Variants in RSRC1 observed in about 807,000 individuals in gnomAD.
The protein encoded by RSRC1 is serine/Arginine-related protein 53.
In RSRC1, 39 loss-of-function variants were observed where a neutral mutation model predicts 49.1. That is an observed-to-expected ratio of 0.79 (90% CI 0.61 to 1.04). The LOEUF (loss-of-function observed/expected upper bound fraction) is 1.04, where lower values mean the gene tolerates loss of function less well. Ranked by LOEUF, RSRC1 falls within the 50% of genes least tolerant of loss-of-function variation. RSRC1 has a pLI of 0.00. For synonymous variants in RSRC1, 143 were observed against 130.8 expected (o/e 1.09, Z -0.63); for missense variants, 388 against 402.4 (o/e 0.96, Z 0.31).
chr3:158,180,292 T>C (rs1719500330), intron 3 of RSRC1, among the ~76,000 whole-genome samples: 1 of 151,884 alleles, frequency 6.6e-6, no homozygotes, highest in Non-Finnish European at 1.5e-5. Flanking sequence ...GTTTCTCATA[T>C]GTTTTCTTTC....
chr3:158,522,363 G>A (rs908779337), intron 7 of RSRC1, among the ~76,000 whole-genome samples: 5 of 151,984 alleles, frequency 3.3e-5, no homozygotes, highest in African/African-American at 1.2e-4. Context: ...CTAGAATGCA[G>A]TGGCACAATC....
At chr3:158,437,835 A>C (rs529996353) in intron 6 of RSRC1, among the ~76,000 whole-genome samples, 1 of 152,292 alleles carries the variant, frequency 6.6e-6, no homozygotes, top group Non-Finnish European at 1.5e-5. Context: ...AGGCAAAAGA[A>C]AGAAATAAAG....
chr3:158,375,839 TGTTTA>T (rs553860759), intron 6 of RSRC1, among the ~76,000 whole-genome samples: 108 of 152,368 alleles, frequency 7.1e-4, no homozygotes, highest in African/African-American at 2.6e-3. Context: ...ACAATTAGAA[TGTTTA>T]GTTCATTCAA....
intron 3 of RSRC1, among the ~76,000 whole-genome samples, chr3:158,177,095 C>T (rs1310937770): frequency 6.6e-6 from 1 of 152,152 alleles, no homozygotes; most frequent in Non-Finnish European, 1.5e-5. Flanking sequence ...CAATGAGATG[C>T]CATCTCACAC....
chr3:158,437,604 AT>A (rs1736122626), intron 6 of RSRC1, among the ~76,000 whole-genome samples: 1 of 152,180 alleles, frequency 6.6e-6, no homozygotes, highest in Non-Finnish European at 1.5e-5. Flanking sequence ...CTTCAATAAA[AT>A]TCAACAGCTC....
intron 6 of RSRC1, among the ~76,000 whole-genome samples, chr3:158,443,558 A>G (rs1399551323): frequency 6.6e-6 from 1 of 152,202 alleles, no homozygotes; most frequent in Non-Finnish European, 1.5e-5. Context: ...GCTTTTGGCT[A>G]AGCTTAATGG....
chr3:158,283,917 T>A (rs1236705660), intron 4 of RSRC1, among the ~76,000 whole-genome samples: 1 of 151,878 alleles, frequency 6.6e-6, no homozygotes, highest in African/African-American at 2.4e-5. Context: ...ATACTCTAAG[T>A]TCTAGGGTAC....
intron 5 of RSRC1, among the ~76,000 whole-genome samples, chr3:158,343,875 A>G (rs1236962639): frequency 6.6e-6 from 1 of 152,176 alleles, no homozygotes; most frequent in East Asian, 1.9e-4. Flanking sequence ...AAAGGAAAGG[A>G]AGCAGCAGAA....
chr3:158,327,674 G>T (rs562195511), intron 5 of RSRC1, among the ~76,000 whole-genome samples: 3 of 152,168 alleles, frequency 2.0e-5, no homozygotes, highest in African/African-American at 4.8e-5. Flanking sequence ...TTTTGGAATA[G>T]GTGTGGTGTG....
chr3:158,160,787 T>C (rs1718168408), intron 3 of RSRC1, among the ~76,000 whole-genome samples: 1 of 152,218 alleles, frequency 6.6e-6, no homozygotes, highest in Non-Finnish European at 1.5e-5. Flanking sequence ...AAGTTTTTTT[T>C]AGCATCTACT....
chr3:158,462,142 C>T (rs1442695686), intron 7 of RSRC1, among the ~76,000 whole-genome samples: 2 of 151,616 alleles, frequency 1.3e-5, no homozygotes, highest in African/African-American at 4.8e-5. Context: ...TGCTCTTTTC[C>T]GGGATCAACT....
At chr3:158,123,731 A>T in intron 2 of RSRC1, 135 bp from the exon 3 acceptor site, 1 of 739,832 alleles carries the variant, frequency 1.4e-6, no homozygotes, top group Non-Finnish European at 2.1e-6. Flanking sequence ...ATAACATTTT[A>T]ATTTATCTCT....
chr3:158,460,944 A>G lies in RSRC1; in HGVS notation c.593A>G (p.Asp198Gly). 6.3e-7 allele frequency: 1 copy of G among 1,596,036 alleles called. No homozygotes were observed. The highest frequency in any genetic ancestry group is 2.3e-5 in the East Asian group (1 of 43,958). ...ATTGTTTTTGTTTCAGCAAAAGCTG[A>G]TGAAGCATTGAAAGCCAAAGAAAGA... ...QLVLEAAAKA[D>G]EALKAKERNE... Residue 198 changes from aspartate to glycine, a missense_variant, in exon 7 of 10, where the codon GAT (aspartate) becomes GGT (glycine). Physicochemically the swap from Asp to Gly is moderately conservative, Grantham distance 94. Coordinates refer to ENST00000611884, the MANE Select transcript of RSRC1 (RefSeq NM_001271838.2).
At chr3:158,139,478 G>A (rs903244556) in intron 3 of RSRC1, among the ~76,000 whole-genome samples, 22 of 152,126 alleles carry the variant, frequency 1.4e-4, no homozygotes, top group Non-Finnish European at 2.9e-4. Context: ...ACATCAGGAA[G>A]TGCAGATAGT....
chr3:158,151,926 G>A (rs969591424), intron 3 of RSRC1, among the ~76,000 whole-genome samples: 4 of 152,082 alleles, frequency 2.6e-5, no homozygotes, highest in African/African-American at 9.7e-5. Flanking sequence ...ATTTAATATT[G>A]TAGAGTAAAA....
chr3:158,325,519 G>C (rs1040718618), intron 5 of RSRC1, among the ~76,000 whole-genome samples: 1 of 152,162 alleles, frequency 6.6e-6, no homozygotes, highest in Non-Finnish European at 1.5e-5. Context: ...TGTCAGGTTT[G>C]TCAAAGATCA....
At chr3:158,521,634 T>A (rs1711681102) in intron 7 of RSRC1, among the ~76,000 whole-genome samples, 1 of 152,146 alleles carries the variant, frequency 6.6e-6, no homozygotes, top group Admixed American at 6.6e-5. Flanking sequence ...AAGCTAGAAC[T>A]TAGAGCACTA....
At chr3:158,331,754 A>G (rs1425611800) in intron 5 of RSRC1, among the ~76,000 whole-genome samples, 2 of 151,708 alleles carry the variant, frequency 1.3e-5, no homozygotes, top group East Asian at 1.9e-4. Flanking sequence ...GGCCTAACAA[A>G]TAAAAAACAA....
At chr3:158,247,206 T>G (rs1351658183) in intron 4 of RSRC1, among the ~76,000 whole-genome samples, 3 of 152,234 alleles carry the variant, frequency 2.0e-5, no homozygotes, top group Non-Finnish European at 4.4e-5. Context: ...GAGGTTATAC[T>G]GTGTTTTTCA....
Sources: allele counts gnomAD v4.1 joint callset (sites outside exome capture counted in the v4.1 genomes callset), GRCh38; gene constraint gnomAD v4.1.1; transcripts MANE v1.5; gene names NCBI Gene and HGNC (gene_info 2026-07-23, HGNC 2026-07-21).